ZNF705G: variants seen among roughly 807,000 people sequenced by gnomAD.
ZNF705G encodes the protein putative zinc finger protein 705G.
ZNF705G carries 23 observed loss-of-function variants against 19.6 expected under a neutral mutation model. That is an observed-to-expected ratio of 1.17 (90% confidence interval 0.84 to 1.66). The LOEUF (loss-of-function observed/expected upper bound fraction) is 1.66, where lower values mean the gene tolerates loss of function less well. ZNF705G is among the 40% of genes most tolerant of loss of function. The pLI is 0.00. For synonymous variants in ZNF705G, 146 were observed against 117.7 expected (o/e 1.24, Z -1.56); for missense variants, 457 against 354.4 (o/e 1.29, Z -2.32).
intron 2 of ZNF705G, among the ~76,000 whole-genome samples, chr8:7,370,899 T>C (rs564075414): frequency 3.3e-5 from 4 of 119,570 alleles, no homozygotes; most frequent in Non-Finnish European, 6.8e-5. Context: ...AGGAATGAGA[T>C]CATGTTCTTT....
In ZNF705G at chr8:7,361,209, T is replaced by G; in HGVS notation, c.40A>C (p.Ile14Leu). 1 of 1,592,798 alleles carries G rather than the reference T, an allele frequency of 6.3e-7. No individual in the cohort carries two copies. Among genetic ancestry groups the G allele is most frequent in the South Asian group, 1.1e-5 (1 of 90,742 alleles). The change falls in exon 4 of 7, where the codon ATT becomes CTT. Residue 14 changes from isoleucine (I) to leucine (L), a missense_variant. By Grantham distance (5) the Ile-to-Leu change is conservative (BLOSUM62 2). Coordinates refer to ENST00000400156, the MANE Select transcript of ZNF705G (RefSeq NM_001164457.3). ...LKKLTFEDVA[I>L]DFTQEEWAMM... The stretch of plus-strand genomic sequence containing the variant: ...GCCCACTCTTCCTGGGTGAAGTCAA[T>G]AGCTACATCTTCAAAAGTCAGTTTC...
chr8:7,358,407 A>C lies in ZNF705G; in HGVS notation c.472T>G (p.Ser158Ala). Residue 158 changes from serine (S) to alanine (A), a missense_variant, in exon 7 of 7, where the codon TCC becomes GCC. Ser to Ala is a moderately conservative substitution (Grantham distance 99). Transcript: ENST00000400156. ...QCGKSLRNLL[S>A]TEPHKQIHTK... The stretch of plus-strand genomic sequence containing the variant: ...TGAATTTGTTTATGTGGTTCAGTGG[A>C]CAAAAGATTACGAAGGGATTTTCCA... The C allele has an allele frequency of 6.2e-7, 1 of 1,607,676 alleles. No individual in the cohort carries two copies. Among genetic ancestry groups the C allele is most frequent in the South Asian group, 1.1e-5 (1 of 90,718 alleles).
rs556232465 is a variant in ZNF705G at position 7,365,544 on chromosome 8, A to T, written c.-71-2527T>A. Among the ~76,000 whole-genome samples, 3 of 148,932 alleles carry T rather than the reference A, an allele frequency of 2.0e-5. No homozygotes were observed. In the South Asian group the frequency reaches 6.3e-4, roughly 31 times the overall value. On this transcript the variant is annotated intron_variant, in intron 2 of 6. Transcript: ENST00000400156. ...CAGGCTTGCGCCATCGTGCTCGGCT[A>T]ATTTTGTACTAGACGTGGTTTCTCC...
At position 7,359,695 on chromosome 8, in the gene ZNF705G, T is replaced by G; in HGVS notation, c.242A>C (p.Glu81Ala). 1 of 1,606,846 alleles carries G rather than the reference T, an allele frequency of 6.2e-7. No individual in the cohort carries two copies. Among genetic ancestry groups the G allele is most frequent in the Non-Finnish European group, 8.5e-7 (1 of 1,179,242 alleles). The change falls in exon 6 of 7, where the codon GAA becomes GCA. Residue 81 changes from glutamate to alanine, a missense_variant. Physicochemically the swap from Glu to Ala is moderately radical, Grantham distance 107. Transcript: ENST00000400156. ...CATGTGTGTTTTCTTAAGGGCACTT[T>G]CCCTGTCTGAAATAATTGAAAAATA... The part of the protein sequence containing the change: ...VFLQDQNPNR[E>A]SALKKTHMIS...
chr8:7,368,649 A>T lies in ZNF705G; in HGVS notation c.-71-5632T>A, dbSNP rs1232534891. ...AGCAGATGCTAATAGAAGAAAATGA[A>T]GAAAGGGCCTCAAAGACATTTTAGA... On this transcript the variant is annotated intron_variant, in intron 2 of 6. Transcript: ENST00000400156. 6.7e-5 allele frequency among the ~76,000 whole-genome samples: 10 copies of T among 149,916 alleles called. 2 individuals are homozygous for T. Among genetic ancestry groups the T allele is most frequent in the African/African-American group, 2.5e-4 (10 of 39,248 alleles).
chr8:7,364,051 G>A (rs1303962142), intron 2 of ZNF705G, among the ~76,000 whole-genome samples: 8 of 149,488 alleles, frequency 5.4e-5, no homozygotes, highest in Middle Eastern at 3.4e-3. Flanking sequence ...AGCTCAATCT[G>A]ATATTTTACT....
In ZNF705G at chr8:7,361,115, G is replaced by T. The variant is rs557920970; in HGVS notation, c.134C>A (p.Ser45Tyr). ...VMLENISHLVSLGYQISKSYI... is the reference protein window; with the variant it reads ...VMLENISHLVYLGYQISKSYI... ...ATGAATGTTCAGGGACTCACCGAGG[G>T]ACACCAGGTGACTGATATTTTCCAG... The change falls in exon 4 of 7, where the codon TCC (serine) becomes TAC (tyrosine). Residue 45 changes from serine (S) to tyrosine (Y), a missense_variant. Coordinates refer to ENST00000400156, the MANE Select transcript of ZNF705G (RefSeq NM_001164457.3). 6.3e-7 allele frequency: 1 copy of T among 1,592,680 alleles called. No individual in the cohort carries two copies. The highest frequency in any genetic ancestry group is 2.2e-5 in the East Asian group (1 of 44,852).
At chr8:7,365,872 G>A (rs1806833109) in intron 2 of ZNF705G, among the ~76,000 whole-genome samples, 2 of 149,534 alleles carry the variant, frequency 1.3e-5, no homozygotes, top group Admixed American at 1.3e-4. Flanking sequence ...TTCTCCAACA[G>A]ATCTTCAGTA....
At position 7,360,494 on chromosome 8, in the gene ZNF705G, T is replaced by C. The variant is rs537676758; in HGVS notation, c.140-162A>G. ...ACTCCCCAGGATTTTTCTGACCCAA[T>C]ATGAGACTACAAAATAAATCCAAAC... On this transcript the variant is annotated intron_variant, in intron 4 of 6. Transcript: ENST00000400156. Among the ~76,000 whole-genome samples the C allele has an allele frequency of 4.8e-3, 713 of 149,182 alleles. 73 individuals carry two copies. The highest frequency in any genetic ancestry group is 0.018 in the African/African-American group (687 of 38,696).
rs1336172640 is a variant in ZNF705G at position 7,358,680 on chromosome 8, A to G, written c.319-120T>C. The G allele has an allele frequency of 7.1e-5, 106 of 1,485,888 alleles. 2 individuals carry two copies. Among genetic ancestry groups the G allele is most frequent in the Non-Finnish European group, 9.4e-5 (104 of 1,107,210 alleles). The allele number at this position is 1,485,888 out of a possible 1,614,324, so 92.0% of individuals were successfully genotyped here. A position where few individuals can be genotyped will look rare whatever the true frequency, so the allele number is the denominator to read the frequency against. On this transcript the variant is annotated intron_variant, in intron 6 of 6. Transcript: ENST00000400156. The stretch of plus-strand genomic sequence containing the variant: ...GTAGACCCCAGTTGAAAGCTTTCCA[A>G]TGTTTCTTGTGTGAAAGGAAATTAA...
At chr8:7,360,129 A>G (rs1806505476) in intron 5 of ZNF705G, 108 bp downstream of exon 5, 1 of 1,304,714 alleles carries the variant, frequency 7.7e-7, no homozygotes, top group African/African-American at 1.8e-5. Flanking sequence ...CCTAACCTAC[A>G]TTTTAGAAAT....
chr8:7,382,621 C>A (rs113198160), intron 1 of ZNF705G, among the ~76,000 whole-genome samples: 3 of 145,930 alleles, frequency 2.1e-5, no homozygotes, highest in Admixed American at 6.6e-5. Flanking sequence ...TTTAAAATTG[C>A]GTTTTGATTA....
intron 2 of ZNF705G, among the ~76,000 whole-genome samples, chr8:7,379,032 A>C (rs1267502753): frequency 6.6e-6 from 1 of 150,502 alleles, no homozygotes; most frequent in Non-Finnish European, 1.5e-5. Flanking sequence ...CTTTGTGTGA[A>C]GAGATTCTCA....
intron 2 of ZNF705G, among the ~76,000 whole-genome samples, chr8:7,379,421 A>G (rs1807390713): frequency 1.4e-5 from 2 of 147,328 alleles, no homozygotes; most frequent in Non-Finnish European, 2.9e-5. Flanking sequence ...ATAGAATATT[A>G]TCCTCTCATT....
Position 7,384,345 on chromosome 8 carries a change from A to G in ZNF705G, c.-222+1153T>C, listed in dbSNP as rs796530934. 7.5e-5 allele frequency among the ~76,000 whole-genome samples: 11 copies of G among 145,834 alleles called. 1 individual carries two copies. The highest frequency in any genetic ancestry group is 3.9e-4 in the East Asian group (2 of 5,184). The stretch of plus-strand genomic sequence containing the variant: ...CAATTGCTACCCAATACCTATCCAC[A>G]CAGAGTTGTGTTTTAACTAGGATCA... On this transcript the variant is annotated intron_variant, in intron 1 of 6. Transcript: ENST00000400156.
intron 2 of ZNF705G, among the ~76,000 whole-genome samples, chr8:7,364,949 C>T (rs1391332297): frequency 6.7e-6 from 1 of 149,568 alleles, no homozygotes; most frequent in Non-Finnish European, 1.5e-5. Context: ...AATATTATTA[C>T]CAAGTAAACT....
chr8:7,359,795 A>T (rs1273855426), intron 5 of ZNF705G, 94 bp from the exon 6 acceptor site: 11 of 1,570,666 alleles, frequency 7.0e-6, no homozygotes, highest in Non-Finnish European at 9.5e-6. Flanking sequence ...TCAAAAATTG[A>T]CACGTAGATG....
At chr8:7,372,260 T>C (rs1270396493) in intron 2 of ZNF705G, among the ~76,000 whole-genome samples, 1 of 151,990 alleles carries the variant, frequency 6.6e-6, no homozygotes, top group Admixed American at 6.5e-5. Flanking sequence ...AAAAATATCA[T>C]GAGATGGAAC....
intron 2 of ZNF705G, among the ~76,000 whole-genome samples, chr8:7,367,594 C>A (rs9720736): frequency 0.37 from 54,886 of 147,050 alleles, 5,447 homozygotes; most frequent in African/African-American, 0.5. Flanking sequence ...CCCTAAAGGA[C>A]GAATCACGGG....
Sources: allele counts gnomAD v4.1 joint callset (sites outside exome capture counted in the v4.1 genomes callset), GRCh38; gene constraint gnomAD v4.1.1; transcripts MANE v1.5; gene names NCBI Gene and HGNC (gene_info 2026-07-23, HGNC 2026-07-21).